The following CLINT1 variants were observed in gnomAD, a reference collection of about 807,000 sequenced individuals.
CLINT1 encodes the protein clathrin interactor 1, also known as clathrin interacting protein localized in the trans-Golgi region.
Under a neutral mutation model 70.4 loss-of-function variants are expected in CLINT1, and 15 were observed. The observed-to-expected ratio is 0.21, with a 90% CI of 0.14 to 0.33. The LOEUF (loss-of-function observed/expected upper bound fraction) is 0.33, where lower values mean the gene tolerates loss of function less well. Ranked by LOEUF, CLINT1 falls within the 10% of genes least tolerant of loss-of-function variation. The pLI, the probability that CLINT1 is intolerant of heterozygous loss-of-function variation, is 1.00. For synonymous variants in CLINT1, 227 were observed against 254.7 expected, an observed-to-expected ratio of 0.89 and a Z score of 1.04; for missense variants, 615 against 778.1, an observed-to-expected ratio of 0.79 and a Z score of 2.49.
chr5:157,787,589 C>A lies in CLINT1; in HGVS notation c.*57G>T, dbSNP rs1391433302. 2 of 1,374,874 alleles carry A rather than the reference C, an allele frequency of 1.5e-6. No homozygotes were observed. Among genetic ancestry groups the A allele is most frequent in the African/African-American group, 2.9e-5 (2 of 69,818 alleles). 85.2% of individuals were successfully genotyped at this position (1,374,874 alleles called of 1,614,324 possible). ...AGTTGATTAGCATTTTCCATCCCAA[C>A]ATCACCTATCTGCACAGCTAAAAAT... On this transcript the variant is annotated 3_prime_UTR_variant, in exon 12 of 12. Coordinates refer to ENST00000411809, the MANE Select transcript of CLINT1 (RefSeq NM_014666.4).
chr5:157,787,530 A>T lies in CLINT1; in HGVS notation c.*116T>A. On this transcript the variant is annotated 3_prime_UTR_variant, in exon 12 of 12. Transcript: ENST00000411809. Reference sequence around the variant, plus strand: ...AAACAGCCTTTTTGGTTCTTTATGTAGATTTATTTTAATTACTTGATAAAA... The same window carrying T: ...AAACAGCCTTTTTGGTTCTTTATGTTGATTTATTTTAATTACTTGATAAAA... 1.1e-6 allele frequency: 1 copy of T among 908,350 alleles called. No homozygotes were observed. Among genetic ancestry groups the T allele is most frequent in the Non-Finnish European group, 1.7e-6 (1 of 590,056 alleles). 56.3% of individuals were successfully genotyped at this position (908,350 alleles called of 1,614,324 possible).
chr5:157,842,039 G>A (rs1358534173), intron 1 of CLINT1, among the ~76,000 whole-genome samples: 10 of 152,202 alleles, frequency 6.6e-5, no homozygotes, highest in Non-Finnish European at 1.5e-5. Context: ...TCACTGAAGA[G>A]TTAAAATGCA....
At chr5:157,805,287 T>C (rs2113174954) in intron 7 of CLINT1, among the ~76,000 whole-genome samples, 1 of 152,306 alleles carries the variant, frequency 6.6e-6, no homozygotes, top group East Asian at 1.9e-4. Context: ...AATCTCCCTA[T>C]TTGGCAGATT....
chr5:157,838,492 G>A (rs979994272), intron 1 of CLINT1, among the ~76,000 whole-genome samples: 11 of 152,196 alleles, frequency 7.2e-5, no homozygotes, highest in Admixed American at 6.5e-4. Context: ...CTAAGTACAT[G>A]CTTAATACGT....
Position 157,803,637 on chromosome 5 carries a change from TG to T in CLINT1, c.1012+12del. ...CTCTCAAACCAAAAGAAAAGGCCAA[TG>T]TAGAAGCTTACCTGTTGACTGGCTG... On this transcript the variant is annotated intron_variant, in intron 8 of 11. Coordinates refer to ENST00000411809, the MANE Select transcript of CLINT1 (RefSeq NM_014666.4). 6.8e-6 allele frequency: 10 copies of T among 1,473,894 alleles called. No homozygotes were observed. Among genetic ancestry groups the T allele is most frequent in the Non-Finnish European group, 9.1e-6 (10 of 1,098,108 alleles). 91.3% of individuals were successfully genotyped at this position (1,473,894 alleles called of 1,614,324 possible).
At chr5:157,800,481 G>C (rs1438907875) in intron 8 of CLINT1, among the ~76,000 whole-genome samples, 1 of 152,016 alleles carries the variant, frequency 6.6e-6, no homozygotes, top group Admixed American at 6.6e-5. Flanking sequence ...TTTCACTGCT[G>C]AATTCAATTT....
At chr5:157,855,978 C>G (rs920094132) in intron 1 of CLINT1, among the ~76,000 whole-genome samples, 5 of 152,014 alleles carry the variant, frequency 3.3e-5, no homozygotes, top group African/African-American at 1.2e-4. Context: ...AGAGCCGCTA[C>G]CATACTGAAT....
chr5:157,824,305 CAA>C lies in CLINT1; in HGVS notation c.42-6760_42-6759del, dbSNP rs1319600056. Among the ~76,000 whole-genome samples, 6 of 152,284 alleles carry C rather than the reference CAA, an allele frequency of 3.9e-5. No homozygotes were observed. In the South Asian group the frequency reaches 1.0e-3, roughly 26 times the overall value. On this transcript the variant is annotated intron_variant, in intron 1 of 11. Coordinates refer to ENST00000411809, the MANE Select transcript of CLINT1 (RefSeq NM_014666.4). Reference sequence around the variant, plus strand: ...AGGTTCAATACTCGTATTTTAATATCAAGTTATATTTCATTACAGTCCTGTGA... The same window carrying C: ...AGGTTCAATACTCGTATTTTAATATCGTTATATTTCATTACAGTCCTGTGA...
intron 6 of CLINT1, among the ~76,000 whole-genome samples, chr5:157,806,571 G>A (rs1762390643): frequency 6.6e-6 from 1 of 152,016 alleles, no homozygotes. Context: ...AACTCTCAAA[G>A]ACTAATGTGT....
intron 3 of CLINT1, among the ~76,000 whole-genome samples, chr5:157,815,533 T>A (rs1433818893): frequency 6.6e-6 from 1 of 152,146 alleles, no homozygotes. Flanking sequence ...AAAATCTAGT[T>A]AGGCGGAAAG....
chr5:157,849,351 T>A (rs1456684108), intron 1 of CLINT1, among the ~76,000 whole-genome samples: 4 of 152,216 alleles, frequency 2.6e-5, no homozygotes, highest in Non-Finnish European at 5.9e-5. Flanking sequence ...GGCTGTACTT[T>A]TTAGCAATAA....
At chr5:157,837,684 C>T (rs1021209701) in intron 1 of CLINT1, among the ~76,000 whole-genome samples, 2 of 143,756 alleles carry the variant, frequency 1.4e-5, no homozygotes, top group African/African-American at 5.3e-5. Flanking sequence ...TCACTCTGTC[C>T]CCAGGCTGGA....
chr5:157,808,426 T>A (rs1447773018), intron 6 of CLINT1, among the ~76,000 whole-genome samples: 1 of 152,102 alleles, frequency 6.6e-6, no homozygotes, highest in East Asian at 1.9e-4. Flanking sequence ...CTTGGTTCCA[T>A]CACTAACTGT....
At position 157,817,552 on chromosome 5, in the gene CLINT1, A is replaced by G; in HGVS notation, c.42-5T>C. ...TAATTCATAACAACATTGGTGCTGT[A>G]GAGGAAAAAAATGCACGCACACATG... On this transcript the variant is annotated splice_polypyrimidine_tract_variant and splice_region_variant and intron_variant, in intron 1 of 11. Transcript: ENST00000411809. The G allele has an allele frequency of 1.3e-6, 2 of 1,579,626 alleles. No individual in the cohort carries two copies. The highest frequency in any genetic ancestry group is 1.7e-6 in the Non-Finnish European group (2 of 1,158,778).
At chr5:157,830,411 T>C (rs1763184790) in intron 1 of CLINT1, among the ~76,000 whole-genome samples, 1 of 152,226 alleles carries the variant, frequency 6.6e-6, no homozygotes, top group Admixed American at 6.5e-5. Context: ...TTCGGCCTCT[T>C]ATTTTGCCTT....
At chr5:157,794,466 G>A (rs2113137743) in intron 9 of CLINT1, among the ~76,000 whole-genome samples, 1 of 152,242 alleles carries the variant, frequency 6.6e-6, no homozygotes, top group East Asian at 1.9e-4. Flanking sequence ...TCACATAAAT[G>A]CTTTTAAGAT....
chr5:157,830,809 T>TAC (rs1763216365), intron 1 of CLINT1, among the ~76,000 whole-genome samples: 2 of 149,434 alleles, frequency 1.3e-5, no homozygotes, highest in East Asian at 2.0e-4. Context: ...TATATATATA[T>TAC]ATATATAGAA....
At chr5:157,843,568 G>A (rs1753264634) in intron 1 of CLINT1, among the ~76,000 whole-genome samples, 1 of 152,152 alleles carries the variant, frequency 6.6e-6, no homozygotes. Flanking sequence ...GAAGTATCTT[G>A]ACTCACGTCC....
intron 1 of CLINT1, among the ~76,000 whole-genome samples, chr5:157,832,851 C>T (rs1241050780): frequency 1.3e-5 from 2 of 152,176 alleles, no homozygotes; most frequent in Non-Finnish European, 2.9e-5. Context: ...GTCCACTTCT[C>T]CCTACCCACA....
Sources: gnomAD v4.1 joint callset for allele counts (sites outside exome capture counted in the v4.1 genomes callset) on GRCh38, gnomAD v4.1.1 for gene constraint, MANE v1.5 for transcripts, NCBI Gene and HGNC (gene_info 2026-07-23, HGNC 2026-07-21) for gene names.